Variants in PCBP3 observed in about 807,000 individuals in gnomAD.
PCBP3 encodes poly(rC) binding protein 3, also known as poly(rC)-binding protein 3.
PCBP3 carries 25 observed loss-of-function variants against 52.7 expected under a neutral mutation model. The ratio of observed to expected loss-of-function variants is 0.47; its 90% confidence interval spans 0.35 to 0.66. PCBP3 has a LOEUF of 0.66. PCBP3 is among the 30% of genes least tolerant of loss of function. The probability of loss-of-function intolerance (pLI) is 0.01; values close to 1 mark genes in which losing one functional copy is unlikely to be tolerated. For synonymous variants in PCBP3, 162 were observed against 183.0 expected (o/e 0.89, Z 0.93); for missense variants, 391 against 490.3 (o/e 0.80, Z 1.91).
chr21:45,749,206 T>C (rs1241764364), intron 3 of PCBP3, among the ~76,000 whole-genome samples: 1 of 152,172 alleles, frequency 6.6e-6, no homozygotes, highest in Non-Finnish European at 1.5e-5. Flanking sequence ...GTTGCCCGTT[T>C]TCAGAACCTT....
chr21:45,650,422 C>T (rs1004532771), intron 1 of PCBP3, among the ~76,000 whole-genome samples: 4 of 152,232 alleles, frequency 2.6e-5, no homozygotes, highest in South Asian at 2.1e-4. Flanking sequence ...GATTTGGTAT[C>T]AACATGATAC....
At chr21:45,819,244 G>A (rs2093055789) in intron 4 of PCBP3, among the ~76,000 whole-genome samples, 1 of 152,152 alleles carries the variant, frequency 6.6e-6, no homozygotes. Flanking sequence ...CGTGGGGGAT[G>A]GGGGTATATA....
At chr21:45,860,884 C>T (rs1363646863) in intron 5 of PCBP3, among the ~76,000 whole-genome samples, 1 of 152,196 alleles carries the variant, frequency 6.6e-6, no homozygotes, top group Non-Finnish European at 1.5e-5. Flanking sequence ...CGTGGAGGTG[C>T]AGTGCTCGCC....
chr21:45,854,849 A>G (rs1321820414), intron 5 of PCBP3, among the ~76,000 whole-genome samples: 2 of 152,020 alleles, frequency 1.3e-5, no homozygotes, highest in Non-Finnish European at 2.9e-5. Context: ...TGGAGCAAGC[A>G]CTCCGAGCCT....
intron 2 of PCBP3, among the ~76,000 whole-genome samples, chr21:45,718,149 A>G (rs2084353367): frequency 6.7e-6 from 1 of 149,550 alleles, no homozygotes; most frequent in Admixed American, 6.7e-5. Flanking sequence ...TATTTCTGCA[A>G]GGTTGGTTGT....
intron 1 of PCBP3, among the ~76,000 whole-genome samples, chr21:45,655,694 A>G (rs1251301569): frequency 6.6e-6 from 1 of 152,244 alleles, no homozygotes; most frequent in Non-Finnish European, 1.5e-5. Context: ...CTGCACAGCA[A>G]AAGAAACTAT....
chr21:45,883,087 T>C lies in PCBP3; in HGVS notation c.11-13121T>C, dbSNP rs1329127164. Among the ~76,000 whole-genome samples the C allele has an allele frequency of 2.6e-5, 4 of 152,376 alleles. 1 individual carries two copies. In the South Asian group the frequency reaches 8.3e-4, roughly 32 times the overall value. On this transcript the variant is annotated intron_variant, in intron 5 of 17. Transcript: ENST00000681687. ...TAGTTGTGTCCTGCGATTTTTGATA[T>C]GCTGTGTTTTTATTTTCATTCAGGT...
intron 4 of PCBP3, among the ~76,000 whole-genome samples, chr21:45,782,817 C>G (rs780607261): frequency 1.3e-5 from 2 of 152,176 alleles, no homozygotes; most frequent in Non-Finnish European, 2.9e-5. Flanking sequence ...TAAAATGGTC[C>G]ATTGCTCTCC....
At chr21:45,843,918 C>A (rs887578959) in intron 4 of PCBP3, among the ~76,000 whole-genome samples, 3 of 152,056 alleles carry the variant, frequency 2.0e-5, no homozygotes, top group African/African-American at 7.3e-5. Context: ...TATTCTGCAT[C>A]TTTATTACTT....
intron 5 of PCBP3, among the ~76,000 whole-genome samples, chr21:45,851,055 T>G (rs193145178): frequency 1.3e-5 from 2 of 152,150 alleles, no homozygotes; most frequent in Admixed American, 6.5e-5. Flanking sequence ...AAACACGTGT[T>G]AAGAAACATG....
chr21:45,939,990 TG>T (rs2077288239), intron 16 of PCBP3, 39 bp from the exon 17 acceptor site: 3 of 1,589,974 alleles, frequency 1.9e-6, no homozygotes, highest in African/African-American at 2.7e-5. Context: ...GGGGCTGGCT[TG>T]GGCTGTTCTC....
At chr21:45,664,449 G>A (rs2080639627) in intron 1 of PCBP3, among the ~76,000 whole-genome samples, 1 of 148,832 alleles carries the variant, frequency 6.7e-6, no homozygotes, top group South Asian at 2.1e-4. Flanking sequence ...ACTATGAGAA[G>A]TGAAAAAAAA....
intron 2 of PCBP3, among the ~76,000 whole-genome samples, chr21:45,675,314 C>T (rs1046663392): frequency 1.3e-5 from 2 of 152,144 alleles, no homozygotes; most frequent in Admixed American, 6.5e-5. Flanking sequence ...GCTTAGTGTC[C>T]TTGATGCAGG....
chr21:45,673,328 A>G (rs1185404754), intron 2 of PCBP3, among the ~76,000 whole-genome samples: 2 of 152,226 alleles, frequency 1.3e-5, no homozygotes, highest in African/African-American at 2.4e-5. Context: ...AAGGTGTGGT[A>G]TGGCAGTTCA....
intron 1 of PCBP3, among the ~76,000 whole-genome samples, chr21:45,667,071 G>A (rs1486593374): frequency 1.4e-5 from 1 of 69,832 alleles, no homozygotes; most frequent in Non-Finnish European, 2.7e-5. Context: ...TTATGCATCT[G>A]TTTGTTCTTT....
chr21:45,812,558 C>T (rs1475237673), intron 4 of PCBP3, among the ~76,000 whole-genome samples: 1 of 152,158 alleles, frequency 6.6e-6, no homozygotes. Flanking sequence ...CCCACCAACA[C>T]ACCCGGCTAA....
intron 4 of PCBP3, among the ~76,000 whole-genome samples, chr21:45,783,338 C>G (rs1227256744): frequency 6.6e-6 from 1 of 152,164 alleles, no homozygotes; most frequent in Non-Finnish European, 1.5e-5. Flanking sequence ...GATGATCAGG[C>G]TGGTCCGAGT....
chr21:45,698,877 G>A (rs140616817), intron 2 of PCBP3, among the ~76,000 whole-genome samples: 7 of 152,294 alleles, frequency 4.6e-5, no homozygotes, highest in Non-Finnish European at 8.8e-5. Context: ...CTTTGCTGTG[G>A]GGTGTGTTCT....
At chr21:45,924,449 T>G (rs2075044831) in intron 13 of PCBP3, among the ~76,000 whole-genome samples, 2 of 133,256 alleles carry the variant, frequency 1.5e-5, no homozygotes, top group South Asian at 5.6e-4. Context: ...GTCGCGTGGG[T>G]AGAAACAGCA....
Sources: allele counts gnomAD v4.1 joint callset (sites outside exome capture counted in the v4.1 genomes callset), GRCh38; gene constraint gnomAD v4.1.1; transcripts MANE v1.5; gene names NCBI Gene and HGNC (gene_info 2026-07-23, HGNC 2026-07-21).